CFAP65: variants seen among roughly 807,000 people sequenced by gnomAD.
The protein encoded by CFAP65 is cilia- and flagella-associated protein 65.
CFAP65 carries 155 observed loss-of-function variants against 208.0 expected under a neutral mutation model. The ratio of observed to expected loss-of-function variants is 0.75; its 90% CI spans 0.65 to 0.85. CFAP65 has a LOEUF of 0.85. Ranked by LOEUF, CFAP65 falls within the 40% of genes least tolerant of loss-of-function variation. The pLI is 0.00. For synonymous variants in CFAP65, 970 were observed against 986.3 expected (o/e 0.98, Z 0.31); for missense variants, 2,294 against 2,451.3 (o/e 0.94, Z 1.36).
At position 219,006,167 on chromosome 2, in the gene CFAP65, C is replaced by A; in HGVS notation, c.4776G>T (p.Leu1592=). Residue 1592 remains leucine, a synonymous_variant, in exon 31 of 35, where the codon CTG becomes CTT. Coordinates refer to ENST00000341552, the MANE Select transcript of CFAP65 (RefSeq NM_194302.4). ...QSVSRPASWK[L]QTPKEEVSWP... is the part of the protein sequence containing the mutation. ...AGGACACCTCCTCCTTTGGGGTCTG[C>A]AGTTTCCAGCTGGCAGGCCGGCTGA... 1 of 1,612,464 alleles carries A rather than the reference C, an allele frequency of 6.2e-7. No individual in the cohort carries two copies. Among genetic ancestry groups the A allele is most frequent in the South Asian group, 1.1e-5 (1 of 91,022 alleles).
At chr2:219,022,444 A>G in intron 16 of CFAP65, 115 bp from the exon 17 acceptor site, 1 of 1,203,460 alleles carries the variant, frequency 8.3e-7, no homozygotes, top group Non-Finnish European at 1.2e-6. Context: ...CTCAGAATCT[A>G]CCCTATGCCA....
intron 11 of CFAP65, 152 bp downstream of exon 11, chr2:219,029,251 A>T: frequency 9.8e-7 from 1 of 1,022,370 alleles, no homozygotes; most frequent in Middle Eastern, 3.2e-4. Context: ...CTGGCTCCAA[A>T]AGCCAGGGCT....
intron 5 of CFAP65, chr2:219,035,071 G>T (rs146047486): frequency 5.3e-4 from 194 of 369,210 alleles, no homozygotes; most frequent in African/African-American, 3.9e-3. Flanking sequence ...GTTCCATCCC[G>T]CAAGGTCACC....
rs1351654789 is a variant in CFAP65 at position 219,038,486 on chromosome 2, C to T, written c.246G>A (p.Arg82=). The T allele has an allele frequency of 3.7e-6, 6 of 1,614,030 alleles. No homozygotes were observed. The highest frequency in any genetic ancestry group is 1.6e-4 in the Middle Eastern group (1 of 6,076). The change falls in exon 4 of 35, where the codon AGG becomes AGA. Residue 82 remains arginine, a synonymous_variant. Transcript: ENST00000341552. ...ATCCACCAGAGTTCACGGTGTGGTT[C>T]CTGCTGTTCCTGGACCTCACGACGG... ...PSSVVRSRNS[R]NHTVNSGGSC...
At chr2:219,009,628 G>A (rs1192583392) in intron 27 of CFAP65, among the ~76,000 whole-genome samples, 168 bp from the exon 28 acceptor site, 1 of 121,154 alleles carries the variant, frequency 8.3e-6, no homozygotes, top group Admixed American at 7.6e-5. Flanking sequence ...GAATGGGATG[G>A]GATGGGATGG....
In CFAP65 at chr2:219,038,968, G is replaced by GA. The variant is rs1318174994; in HGVS notation, c.80dup (p.Leu29ProfsTer19). ...CTCTTAGGAGAAGAGGAATAAGGGG[G>GA]AAAGAAGAGGCAAATGAGACTGATG... On this transcript the variant is annotated frameshift_variant, in exon 3 of 35. Coordinates refer to ENST00000341552, the MANE Select transcript of CFAP65 (RefSeq NM_194302.4). LOFTEE classifies it high-confidence loss of function. 1 of 1,613,786 alleles carries GA rather than the reference G, an allele frequency of 6.2e-7. No individual in the cohort carries two copies. The highest frequency in any genetic ancestry group is 1.3e-5 in the African/African-American group (1 of 74,910).
chr2:219,026,250 A>T, intron 13 of CFAP65, 91 bp from the exon 14 acceptor site: 6 of 1,413,722 alleles, frequency 4.2e-6, no homozygotes, highest in Non-Finnish European at 5.8e-6. Flanking sequence ...CTTGTGCTGC[A>T]GGAGTCTGAC....
rs527721986 is a variant in CFAP65, at chr2:219,032,217, G to A, written c.645+253C>T. On this transcript the variant is annotated intron_variant, in intron 6 of 34. Transcript: ENST00000341552. This position sits in a 1 kb window ranked among gnomAD's most constrained non-coding sequence, Gnocchi z 5.5. ...ATTCCAGAAGTCAGTCACCGTCCCC[G>A]GCCACGGAATGTAGGACTTTCTGAT... Among the ~76,000 whole-genome samples, 3 of 152,292 alleles carry A rather than the reference G, an allele frequency of 2.0e-5. No homozygotes were observed. The highest frequency in any genetic ancestry group is 1.3e-4 in the Admixed American group (2 of 15,292).
intron 13 of CFAP65, 118 bp from the exon 14 acceptor site, chr2:219,026,277 A>C: frequency 9.1e-7 from 1 of 1,101,624 alleles, no homozygotes; most frequent in Non-Finnish European, 1.3e-6. Flanking sequence ...CACAGACAGG[A>C]GGGCCTCCCT....
In CFAP65 at chr2:219,029,866, C is replaced by G. The variant is rs770009035; in HGVS notation, c.1384+120G>C. The G allele has an allele frequency of 2.6e-6, 3 of 1,135,222 alleles. No homozygotes were observed. In the African/African-American group the frequency reaches 4.7e-5, roughly 18 times the overall value. The allele number at this position is 1,135,222 out of a possible 1,614,324, so 70.3% of individuals were successfully genotyped here. On this transcript the variant is annotated intron_variant, in intron 10 of 34. Coordinates refer to ENST00000341552, the MANE Select transcript of CFAP65 (RefSeq NM_194302.4). ...GATTCCCCACAGGGCCACCAGGGGG[C>G]AGCAGACACCCAGGCTGAGGCAAGG...
chr2:219,038,635 GGGA>G, intron 3 of CFAP65, 57 bp from the exon 4 acceptor site: 1 of 1,472,766 alleles, frequency 6.8e-7, no homozygotes, highest in South Asian at 1.2e-5. Context: ...GAGAGGCTGA[GGGA>G]GGAGACTCTC....
chr2:219,036,781 T>A (rs1397970448), intron 4 of CFAP65, among the ~76,000 whole-genome samples: 1 of 152,224 alleles, frequency 6.6e-6, no homozygotes, highest in African/African-American at 2.4e-5. Flanking sequence ...ATTGCTTTTA[T>A]ATTGTTGCAT....
At chr2:219,025,833 G>A (rs932309682) in intron 14 of CFAP65, among the ~76,000 whole-genome samples, 189 bp downstream of exon 14, 1 of 152,208 alleles carries the variant, frequency 6.6e-6, no homozygotes, top group African/African-American at 2.4e-5. Context: ...CAGTCCCAGT[G>A]TCGGGGCCCA....
chr2:219,028,113 C>T, intron 12 of CFAP65, 88 bp downstream of exon 12: 1 of 1,565,376 alleles, frequency 6.4e-7, no homozygotes, highest in Non-Finnish European at 8.7e-7. Context: ...GTCGCCCTGA[C>T]TACTAATGGT....
intron 4 of CFAP65, among the ~76,000 whole-genome samples, chr2:219,037,188 G>A (rs1419408610): frequency 6.6e-6 from 1 of 152,026 alleles, no homozygotes; most frequent in African/African-American, 2.4e-5. Context: ...TCAGGAGTTC[G>A]AGACCAGCCT....
Position 219,009,039 on chromosome 2 carries a change from C to T in CFAP65, c.4674+8G>A, listed in dbSNP as rs748302568. 6.2e-7 allele frequency: 1 copy of T among 1,605,306 alleles called. No homozygotes were observed. The highest frequency in any genetic ancestry group is 1.1e-5 in the South Asian group (1 of 90,926). On this transcript the variant is annotated splice_region_variant and intron_variant, in intron 29 of 34. Transcript: ENST00000341552. ...CTGGGTGTTTGAGATCTACTCAGCC[C>T]TCCTCACCTTCACTTTCATGTCGGT...
intron 32 of CFAP65, 140 bp downstream of exon 32, chr2:219,005,294 G>A (rs1032722222): frequency 8.5e-7 from 1 of 1,181,746 alleles, no homozygotes; most frequent in Non-Finnish European, 1.2e-6. Context: ...CCAAAGTGTT[G>A]GAATTACAGG....
chr2:219,023,980 C>T (rs775293263), intron 15 of CFAP65, 35 bp downstream of exon 15: 12 of 1,598,812 alleles, frequency 7.5e-6, no homozygotes, highest in Middle Eastern at 1.7e-4. Context: ...ATGGCCCATT[C>T]CCAAGGACCC....
At chr2:219,008,917 T>C (rs1231647241) in intron 29 of CFAP65, 130 bp downstream of exon 29, 1 of 682,888 alleles carries the variant, frequency 1.5e-6, no homozygotes, top group Non-Finnish European at 2.6e-6. Context: ...GTCCAGTGAA[T>C]GAAATGTAAT....
Sources: allele counts gnomAD v4.1 joint callset (sites outside exome capture counted in the v4.1 genomes callset), GRCh38; gene constraint gnomAD v4.1.1; non-coding constraint Gnocchi (gnomAD v3.1); transcripts MANE v1.5; gene names NCBI Gene and HGNC (gene_info 2026-07-23, HGNC 2026-07-21).